KHK: variants seen among roughly 807,000 people sequenced by gnomAD.
KHK encodes the protein ketohexokinase, also known as fructokinase.
A neutral mutation model predicts 36.0 loss-of-function variants in KHK; 37 were observed. The ratio of observed to expected loss-of-function variants is 1.03; its 90% confidence interval spans 0.79 to 1.35. KHK has a LOEUF of 1.35. KHK is among the 40% of genes most tolerant of loss of function. The probability of loss-of-function intolerance (pLI) is 0.00; values close to 1 mark genes in which losing one functional copy is unlikely to be tolerated. For synonymous variants in KHK, 161 were observed against 162.8 expected (o/e 0.99, Z 0.08); for missense variants, 395 against 391.9 (o/e 1.01, Z -0.07).
intron 1 of KHK, among the ~76,000 whole-genome samples, chr2:27,091,330 C>T (rs557890193): frequency 1.0e-3 from 155 of 152,148 alleles, no homozygotes; most frequent in African/African-American, 3.5e-3. Flanking sequence ...CTCAAGTGAT[C>T]CTCCTGCTTT....
At chr2:27,099,082 G>C in intron 5 of KHK, 114 bp from the exon 6 acceptor site, 1 of 906,336 alleles carries the variant, frequency 1.1e-6, no homozygotes, top group South Asian at 1.3e-5. Flanking sequence ...ATGCTACGTT[G>C]GGGATCTATG....
chr2:27,099,999 G>A lies in KHK; in HGVS notation c.*249G>A. ...CTCCTCTCAATGTCTGAACTGCTCT[G>A]GCTGGGCATTCCTGAGGCTCTGACT... is the stretch of plus-strand genomic sequence containing the variant. On this transcript the variant is annotated 3_prime_UTR_variant, in exon 8 of 8. Transcript: ENST00000260598. 2 of 763,132 alleles carry A rather than the reference G, an allele frequency of 2.6e-6. No individual in the cohort carries two copies. Among genetic ancestry groups the A allele is most frequent in the Non-Finnish European group, 2.2e-6 (1 of 460,442 alleles). 47.3% of individuals were successfully genotyped at this position (763,132 alleles called of 1,614,324 possible). A position where few individuals can be genotyped will look rare whatever the true frequency, so the allele number is the denominator to read the frequency against.
chr2:27,100,187 A>G lies in KHK; in HGVS notation c.*437A>G, dbSNP rs1344695575. The G allele has an allele frequency of 4.4e-6, 2 of 453,434 alleles. No homozygotes were observed. Among genetic ancestry groups the G allele is most frequent in the Non-Finnish European group, 8.1e-6 (2 of 245,942 alleles). The allele number at this position is 453,434 out of a possible 1,614,324, so 28.1% of individuals were successfully genotyped here. A position where few individuals can be genotyped will look rare whatever the true frequency, so the allele number is the denominator to read the frequency against. ...GTGCCCCACACCCAGTGAACCTGCCAAAGAAACCGTGAGAGCTCTTCGGGG... is the reference window on the plus strand; with the variant it reads ...GTGCCCCACACCCAGTGAACCTGCCGAAGAAACCGTGAGAGCTCTTCGGGG... On this transcript the variant is annotated 3_prime_UTR_variant, in exon 8 of 8. Coordinates refer to ENST00000260598, the MANE Select transcript of KHK (RefSeq NM_006488.3).
In KHK at chr2:27,099,416, G is replaced by A. The variant is rs374116984; in HGVS notation, c.654-4G>A. 1.2e-6 allele frequency: 2 copies of A among 1,613,574 alleles called. No homozygotes were observed. The highest frequency in any genetic ancestry group is 1.3e-5 in the African/African-American group (1 of 74,926). On this transcript the variant is annotated splice_region_variant and splice_polypyrimidine_tract_variant and intron_variant, in intron 6 of 7. Transcript: ENST00000260598. The stretch of plus-strand genomic sequence containing the variant: ...ACACCCAGCTGAGTGGAGCCGTCTT[G>A]CAGGGCTGTGCTTGTCTGTGCCTGG...
chr2:27,094,934 C>G lies in KHK; in HGVS notation c.344C>G (p.Thr115Arg), dbSNP rs1140588. The change falls in exon 3 of 8, where the codon ACG becomes AGG. Residue 115 changes from threonine (T) to arginine (R), a missense_variant and splice_region_variant. Thr to Arg is a moderately conservative substitution (Grantham distance 71, BLOSUM62 -1). Coordinates refer to ENST00000260598, the MANE Select transcript of KHK (RefSeq NM_006488.3). ...AACCGTACCATTGTGCTCCATGACACGTAAGGCCCCCGGGCCTCGCCCTGC... is the reference window on the plus strand; with the variant it reads ...AACCGTACCATTGTGCTCCATGACAGGTAAGGCCCCCGGGCCTCGCCCTGC... Reference protein sequence around the residue: ...NGNRTIVLHDTSLPDVSATDF... With the variant: ...NGNRTIVLHDRSLPDVSATDF... 3 of 1,613,842 alleles carry G rather than the reference C, an allele frequency of 1.9e-6. No individual in the cohort carries two copies. The highest frequency in any genetic ancestry group is 2.2e-5 in the East Asian group (1 of 44,882).
At chr2:27,089,937 C>A (rs1669889992) in intron 1 of KHK, among the ~76,000 whole-genome samples, 1 of 152,240 alleles carries the variant, frequency 6.6e-6, no homozygotes, top group Admixed American at 6.5e-5. Flanking sequence ...ACTGCAACCT[C>A]CGCCTCCAGA....
chr2:27,087,305 G>A lies in KHK; in HGVS notation c.46G>A (p.Val16Ile). The change falls in exon 1 of 8, where the codon GTC becomes ATC. Residue 16 changes from valine to isoleucine, a missense_variant. Physicochemically the swap from Val to Ile is conservative, Grantham distance 29. Coordinates refer to ENST00000260598, the MANE Select transcript of KHK (RefSeq NM_006488.3). ...GTGCGTGGGGCTAGTGGTGCTGGAC[G>A]TCATCAGCCTGGTGGACAAGTACCC... The part of the protein sequence containing the change: ...ILCVGLVVLD[V>I]ISLVDKYPKE... The A allele has an allele frequency of 6.2e-7, 1 of 1,601,454 alleles. No individual in the cohort carries two copies. Among genetic ancestry groups the A allele is most frequent in the Non-Finnish European group, 8.5e-7 (1 of 1,173,654 alleles).
intron 2 of KHK, chr2:27,094,315 C>A: frequency 1.2e-6 from 1 of 808,854 alleles, no homozygotes; most frequent in Non-Finnish European, 2.1e-6. Flanking sequence ...CATCTCCTGC[C>A]CTGTTGCACT....
chr2:27,094,549 C>T, intron 2 of KHK: 1 of 1,614,188 alleles, frequency 6.2e-7, no homozygotes, highest in South Asian at 1.1e-5. Context: ...CAGGCTCCGT[C>T]CCCATCGCCA....
chr2:27,094,210 G>A, intron 2 of KHK: 1 of 529,244 alleles, frequency 1.9e-6, no homozygotes, highest in Non-Finnish European at 3.4e-6. Flanking sequence ...GAGTTGGACT[G>A]AAAAACAGAG....
intron 1 of KHK, among the ~76,000 whole-genome samples, chr2:27,090,456 T>TC (rs1558441909): frequency 6.9e-6 from 1 of 145,312 alleles, no homozygotes; most frequent in Non-Finnish European, 1.5e-5. Context: ...TTCTTTCTTT[T>TC]TTTTTTTTTT....
chr2:27,098,752 C>G (rs1221165700), intron 5 of KHK: 3 of 190,578 alleles, frequency 1.6e-5, no homozygotes, highest in African/African-American at 7.0e-5. Flanking sequence ...CAAAACTGCT[C>G]CAGGGAGCCA....
At chr2:27,097,170 A>C (rs1436584894) in intron 4 of KHK, among the ~76,000 whole-genome samples, 2 of 152,200 alleles carry the variant, frequency 1.3e-5, no homozygotes, top group African/African-American at 4.8e-5. Context: ...TCCCAAATAA[A>C]GGGAACTAGA....
chr2:27,090,667 C>A (rs1669946113), intron 1 of KHK, among the ~76,000 whole-genome samples: 2 of 151,556 alleles, frequency 1.3e-5, no homozygotes, highest in South Asian at 4.2e-4. Context: ...CTTGGCCAGG[C>A]TGGTCTTGAA....
intron 3 of KHK, among the ~76,000 whole-genome samples, chr2:27,096,011 AGGGGGCT>A (rs1670311079): frequency 6.6e-6 from 1 of 152,246 alleles, no homozygotes; most frequent in Non-Finnish European, 1.5e-5. Context: ...GCAGGCTGCA[AGGGGGCT>A]GGGGGTTTCA....
intron 1 of KHK, among the ~76,000 whole-genome samples, chr2:27,088,909 CTG>C (rs968053850): frequency 1.1e-4 from 17 of 152,284 alleles, no homozygotes; most frequent in African/African-American, 3.1e-4. Context: ...CAGTTCAAGA[CTG>C]AACTCCACAA....
Position 27,100,392 on chromosome 2 carries a change from G to C in KHK, c.*642G>C, listed in dbSNP as rs965373017. The C allele has an allele frequency of 5.5e-6, 7 of 1,273,690 alleles. No homozygotes were observed. Among genetic ancestry groups the C allele is most frequent in the Non-Finnish European group, 7.2e-6 (7 of 973,172 alleles). 78.9% of individuals were successfully genotyped at this position (1,273,690 alleles called of 1,614,324 possible). ...CCTCCCGCTGACTGCCCCAGAGCCT[G>C]AAAGTCTCACCCTTGGAGCCCACCT... On this transcript the variant is annotated 3_prime_UTR_variant, in exon 8 of 8. Coordinates refer to ENST00000260598, the MANE Select transcript of KHK (RefSeq NM_006488.3).
intron 1 of KHK, among the ~76,000 whole-genome samples, chr2:27,090,713 A>T (rs1669951614): frequency 6.6e-6 from 1 of 151,472 alleles, no homozygotes; most frequent in Non-Finnish European, 1.5e-5. Context: ...TCAGCCTCCC[A>T]AAGTGCTGAG....
chr2:27,088,529 C>T (rs1353531355), intron 1 of KHK, among the ~76,000 whole-genome samples: 2 of 152,330 alleles, frequency 1.3e-5, no homozygotes, highest in East Asian at 3.9e-4. Context: ...TCTCCTGCCT[C>T]AACCTCCTGG....
Sources: allele counts gnomAD v4.1 joint callset (sites outside exome capture counted in the v4.1 genomes callset), GRCh38; gene constraint gnomAD v4.1.1; transcripts MANE v1.5; gene names NCBI Gene and HGNC (gene_info 2026-07-23, HGNC 2026-07-21).